CHN1: variants seen among roughly 807,000 people sequenced by gnomAD.
CHN1 encodes chimerin 1, also known as N-chimaerin.
CHN1 carries 37 observed loss-of-function variants against 59.5 expected under a neutral mutation model. That is an observed-to-expected ratio of 0.62 (90% CI 0.48 to 0.82). The LOEUF is 0.82. Ranked by LOEUF, CHN1 falls within the 40% of genes least tolerant of loss-of-function variation. CHN1 has a pLI of 0.00. For missense variants in CHN1, 469 were observed against 571.0 expected (o/e 0.82, Z 1.82); for synonymous variants, 206 against 200.4 (o/e 1.03, Z -0.24).
chr2:174,812,200 T>C, intron 9 of CHN1, 109 bp downstream of exon 9: 1 of 840,442 alleles, frequency 1.2e-6, no homozygotes, highest in Non-Finnish European at 1.7e-6. Context: ...ACCATTCCCC[T>C]CCAAATTACA....
intron 5 of CHN1, among the ~76,000 whole-genome samples, chr2:174,882,442 G>A (rs1380670952): frequency 6.6e-6 from 1 of 151,772 alleles, no homozygotes; most frequent in Non-Finnish European, 1.5e-5. Context: ...AAATCATATC[G>A]ACAAAAAATT....
intron 1 of CHN1, among the ~76,000 whole-genome samples, chr2:174,992,442 G>C (rs1460995625): frequency 2.6e-5 from 4 of 152,186 alleles, no homozygotes; most frequent in Non-Finnish European, 5.9e-5. Flanking sequence ...CTGAAGCATA[G>C]GAAAGGGAGG....
chr2:174,834,650 G>A lies in CHN1; in HGVS notation c.628-10132C>T, dbSNP rs560707995. The stretch of plus-strand genomic sequence containing the variant: ...TTCTTTATTCATTTTTATGTAATGT[G>A]CATCCCCCCAACTGCTTTTAAAAAA... On this transcript the variant is annotated intron_variant, in intron 7 of 12. Transcript: ENST00000409900. 3.9e-5 allele frequency among the ~76,000 whole-genome samples: 6 copies of A among 152,120 alleles called. No individual in the cohort carries two copies. In the East Asian group the frequency reaches 7.7e-4, roughly 20 times the overall value.
At chr2:174,959,854 T>C (rs2105423671) in intron 1 of CHN1, among the ~76,000 whole-genome samples, 1 of 152,366 alleles carries the variant, frequency 6.6e-6, no homozygotes, top group East Asian at 1.9e-4. Flanking sequence ...ACTGCAATCT[T>C]GACCTTCAAC....
intron 6 of CHN1, among the ~76,000 whole-genome samples, chr2:174,858,979 T>TACACACACACACACACACACACAC (rs71407155): frequency 6.3e-4 from 90 of 142,508 alleles, no homozygotes; most frequent in African/African-American, 2.3e-3. Context: ...TTTCCTCCTC[T>TACACACACACACACACACACACAC]ACACACACAC....
chr2:174,960,547 T>A (rs1690363773), intron 1 of CHN1, among the ~76,000 whole-genome samples: 1 of 152,164 alleles, frequency 6.6e-6, no homozygotes, highest in South Asian at 2.1e-4. Context: ...CACTGGAAAT[T>A]AAAACACAGC....
At chr2:174,910,857 G>A (rs1223722096) in intron 5 of CHN1, among the ~76,000 whole-genome samples, 3 of 133,032 alleles carry the variant, frequency 2.3e-5, no homozygotes, top group Non-Finnish European at 4.6e-5. Flanking sequence ...CGGAGATCGC[G>A]CCACAGCACT....
intron 1 of CHN1, among the ~76,000 whole-genome samples, chr2:174,984,959 C>T (rs1420219067): frequency 6.6e-6 from 1 of 152,168 alleles, no homozygotes; most frequent in Non-Finnish European, 1.5e-5. Context: ...TTTCACAACT[C>T]TCTAAAATAC....
chr2:174,907,032 T>A (rs1319635056), intron 5 of CHN1, among the ~76,000 whole-genome samples: 1 of 152,112 alleles, frequency 6.6e-6, no homozygotes, highest in Non-Finnish European at 1.5e-5. Context: ...TAATTGAAAA[T>A]GAGAAATAAT....
At chr2:174,977,151 C>T (rs928337183) in intron 1 of CHN1, among the ~76,000 whole-genome samples, 1 of 152,204 alleles carries the variant, frequency 6.6e-6, no homozygotes, top group African/African-American at 2.4e-5. Flanking sequence ...AACAAACCCG[C>T]CTGTCTCAAC....
rs1186077255 is a variant in CHN1 at position 174,926,020 on chromosome 2, A to G, written c.115-7455T>C. On this transcript the variant is annotated intron_variant, in intron 3 of 12. Coordinates refer to ENST00000409900, the MANE Select transcript of CHN1 (RefSeq NM_001822.7). ...TTGCATAAATGTTATATGCTATTTCACTGGAGAAAAAAACTTTAAGTTAAT... is the reference window on the plus strand; with the variant it reads ...TTGCATAAATGTTATATGCTATTTCGCTGGAGAAAAAAACTTTAAGTTAAT... 2.0e-5 allele frequency among the ~76,000 whole-genome samples: 3 copies of G among 152,304 alleles called. No individual in the cohort carries two copies. In the East Asian group the frequency reaches 5.8e-4, roughly 29 times the overall value.
chr2:174,960,805 G>C (rs1690372931), intron 1 of CHN1, among the ~76,000 whole-genome samples: 1 of 151,740 alleles, frequency 6.6e-6, no homozygotes, highest in Non-Finnish European at 1.5e-5. Flanking sequence ...CTGGGCGACA[G>C]AGCGTGACTC....
At chr2:174,970,678 C>T (rs1417701309) in intron 1 of CHN1, among the ~76,000 whole-genome samples, 1 of 152,038 alleles carries the variant, frequency 6.6e-6, no homozygotes, top group Non-Finnish European at 1.5e-5. Flanking sequence ...GCAAAAGATC[C>T]AGTCAAATAC....
At chr2:174,988,852 G>T (rs140462970) in intron 1 of CHN1, among the ~76,000 whole-genome samples, 1 of 152,138 alleles carries the variant, frequency 6.6e-6, no homozygotes, top group African/African-American at 2.4e-5. Context: ...AGAACACAAG[G>T]GTTTAAAGTA....
chr2:174,851,656 G>A (rs913840506), intron 6 of CHN1, among the ~76,000 whole-genome samples: 3 of 152,114 alleles, frequency 2.0e-5, no homozygotes, highest in African/African-American at 4.8e-5. Flanking sequence ...GATGGGGAAC[G>A]GGCAGATTCC....
chr2:174,905,491 T>A (rs963606541), intron 5 of CHN1, among the ~76,000 whole-genome samples: 1 of 152,198 alleles, frequency 6.6e-6, no homozygotes, highest in African/African-American at 2.4e-5. Flanking sequence ...TATGTATGCA[T>A]ACTTTTGAGA....
intron 3 of CHN1, among the ~76,000 whole-genome samples, chr2:174,942,212 T>C (rs1268633451): frequency 1.3e-5 from 2 of 152,200 alleles, no homozygotes; most frequent in African/African-American, 2.4e-5. Context: ...TGTGTTCTCA[T>C]GTTAATTACA....
At position 175,005,160 on chromosome 2, in the gene CHN1, C is replaced by A; in HGVS notation, c.-248G>T. On this transcript the variant is annotated 5_prime_UTR_variant, in exon 1 of 13. Coordinates refer to ENST00000409900, the MANE Select transcript of CHN1 (RefSeq NM_001822.7). ...CCCGCTAGCTCTCCGCGAGCCGGCACTTGTCGCTGCCATCAGGCGCGGAGC... is the reference window on the plus strand; with the variant it reads ...CCCGCTAGCTCTCCGCGAGCCGGCAATTGTCGCTGCCATCAGGCGCGGAGC... The A allele has an allele frequency of 1.6e-6, 2 of 1,285,888 alleles. No individual in the cohort carries two copies. The highest frequency in any genetic ancestry group is 9.9e-7 in the Non-Finnish European group (1 of 1,014,982). 79.7% of individuals were successfully genotyped at this position (1,285,888 alleles called of 1,614,324 possible).
rs149289756 is a variant in CHN1, at chr2:174,977,641, T to C, written c.20-25439A>G. Among the ~76,000 whole-genome samples the C allele has an allele frequency of 2.2e-4, 34 of 152,344 alleles. 1 individual carries two copies. In the East Asian group the frequency reaches 3.9e-3, roughly 17 times the overall value. ...TTTTGTTTGATTTTTATGTTAGTCT[T>C]TTTACTTGTAGTATAATTGGGAGTA... On this transcript the variant is annotated intron_variant, in intron 1 of 12. Coordinates refer to ENST00000409900, the MANE Select transcript of CHN1 (RefSeq NM_001822.7).
Sources: allele counts gnomAD v4.1 joint callset (sites outside exome capture counted in the v4.1 genomes callset), GRCh38; gene constraint gnomAD v4.1.1; transcripts MANE v1.5; gene names NCBI Gene and HGNC (gene_info 2026-07-23, HGNC 2026-07-21).